The following SCAI variants were observed in gnomAD, a reference collection of about 807,000 sequenced individuals.
SCAI encodes protein SCAI.
In SCAI, 24 loss-of-function variants were observed where a neutral mutation model predicts 92.2. The ratio of observed to expected loss-of-function variants is 0.26; its 90% CI spans 0.19 to 0.37. SCAI has a LOEUF of 0.37. SCAI is among the 10% of genes least tolerant of loss of function. The pLI is 1.00. For missense variants in SCAI, 450 were observed against 736.2 expected (o/e 0.61, Z 4.50); for synonymous variants, 261 against 258.6 (o/e 1.01, Z -0.09).
intron 2 of SCAI, among the ~76,000 whole-genome samples, chr9:125,088,926 G>T (rs115236886): frequency 0.041 from 6,286 of 152,038 alleles, 429 homozygotes; most frequent in African/African-American, 0.14. Flanking sequence ...GGCATCCCTC[G>T]CCTCTACGCA....
chr9:125,059,747 C>T (rs1388886477), intron 2 of SCAI, among the ~76,000 whole-genome samples: 1 of 152,174 alleles, frequency 6.6e-6, no homozygotes, highest in Non-Finnish European at 1.5e-5. Flanking sequence ...TTACTCATAA[C>T]ACAAGAACTG....
chr9:124,956,210 T>C (rs1286934228), intron 17 of SCAI, among the ~76,000 whole-genome samples: 1 of 152,078 alleles, frequency 6.6e-6, no homozygotes, highest in Non-Finnish European at 1.5e-5. Context: ...TATGCAAGGT[T>C]GATTTAACTT....
chr9:124,979,566 T>C (rs1389394228), intron 14 of SCAI, among the ~76,000 whole-genome samples: 1 of 152,060 alleles, frequency 6.6e-6, no homozygotes, highest in Non-Finnish European at 1.5e-5. Context: ...AAAAAGACTA[T>C]TTGTTTTAGT....
chr9:125,022,130 A>G (rs2131076106), intron 6 of SCAI, among the ~76,000 whole-genome samples: 1 of 152,270 alleles, frequency 6.6e-6, no homozygotes, highest in East Asian at 1.9e-4. Flanking sequence ...AAATTATTAG[A>G]TATCATATAT....
At chr9:124,985,603 C>T (rs983829106) in intron 14 of SCAI, among the ~76,000 whole-genome samples, 1 of 152,180 alleles carries the variant, frequency 6.6e-6, no homozygotes, top group African/African-American at 2.4e-5. Flanking sequence ...CACGGTGGCT[C>T]ACACCTGTAA....
intron 2 of SCAI, among the ~76,000 whole-genome samples, chr9:125,106,122 A>AAATAT (rs1554791724): frequency 1.1e-4 from 1 of 8,864 alleles, no homozygotes; most frequent in African/African-American, 2.3e-4. Context: ...AAAAAAAAAA[A>AAATAT]ATATATATAT....
At chr9:125,064,362 C>T (rs1435316379) in intron 2 of SCAI, among the ~76,000 whole-genome samples, 4 of 152,076 alleles carry the variant, frequency 2.6e-5, no homozygotes, top group African/African-American at 4.8e-5. Flanking sequence ...TAGACGGGTG[C>T]CGTGGTTCAA....
rs972034399 is a variant in SCAI at position 125,091,521 on chromosome 9, A to T, written c.99-35514T>A. Among the ~76,000 whole-genome samples, 9 of 152,238 alleles carry T rather than the reference A, an allele frequency of 5.9e-5. No individual in the cohort carries two copies. Among genetic ancestry groups the T allele is most frequent in the African/African-American group, 2.2e-4 (9 of 41,462 alleles). ...TTCACATCACCGACCTCCTAAAAAC[A>T]GCTTTCAAAGTGAATATTTAGTTTT... On this transcript the variant is annotated intron_variant, in intron 2 of 17. Coordinates refer to ENST00000336505, the MANE Select transcript of SCAI (RefSeq NM_001144877.3). This position sits in a 1 kb window ranked among gnomAD's most constrained non-coding sequence, Gnocchi z 4.3.
intron 17 of SCAI, among the ~76,000 whole-genome samples, chr9:124,963,059 A>G (rs1831472432): frequency 6.6e-6 from 1 of 151,374 alleles, no homozygotes; most frequent in Non-Finnish European, 1.5e-5. Context: ...TCAGCCTCCC[A>G]TAGTGCTGGG....
intron 17 of SCAI, among the ~76,000 whole-genome samples, chr9:124,958,645 G>A (rs201802453): frequency 3.3e-5 from 5 of 151,962 alleles, no homozygotes; most frequent in Non-Finnish European, 7.4e-5. Flanking sequence ...GGTGGCTCAC[G>A]CCTGTAATCC....
At chr9:125,111,412 A>G (rs944438922) in intron 2 of SCAI, among the ~76,000 whole-genome samples, 2 of 152,206 alleles carry the variant, frequency 1.3e-5, no homozygotes, top group African/African-American at 4.8e-5. Context: ...CTATCTGGAA[A>G]AAAAGGAAGA....
intron 2 of SCAI, chr9:125,066,012 T>G (rs761687006): frequency 1.3e-6 from 1 of 771,968 alleles, no homozygotes; most frequent in Admixed American, 1.7e-5. Context: ...TGTTGATATC[T>G]TTCCCCTTGA....
In SCAI at chr9:125,025,079, T is replaced by C. The variant is rs144870679; in HGVS notation, c.512+1733A>G. On this transcript the variant is annotated intron_variant, in intron 6 of 17. Coordinates refer to ENST00000336505, the MANE Select transcript of SCAI (RefSeq NM_001144877.3). ...ATACTTCCTTATTGGTTTTCTCTCC[T>C]GGCTCTTGATTTTAGCAGCTGTTGC... 5.1e-3 allele frequency among the ~76,000 whole-genome samples: 782 copies of C among 152,360 alleles called. 5 individuals are homozygous for C. Among genetic ancestry groups the C allele is most frequent in the African/African-American group, 0.018 (751 of 41,586 alleles).
At chr9:125,107,747 A>G (rs1435294815) in intron 2 of SCAI, among the ~76,000 whole-genome samples, 2 of 152,204 alleles carry the variant, frequency 1.3e-5, no homozygotes, top group Middle Eastern at 3.2e-3. Flanking sequence ...CAGCCTCGGC[A>G]ACAGAGCAAG....
At chr9:125,080,878 G>T (rs186827155) in intron 2 of SCAI, among the ~76,000 whole-genome samples, 91 of 152,306 alleles carry the variant, frequency 6.0e-4, no homozygotes, top group Admixed American at 2.5e-3. Flanking sequence ...GGGACCCAGT[G>T]GAAGGTAAAT....
At chr9:125,036,281 T>G (rs986311789) in intron 3 of SCAI, among the ~76,000 whole-genome samples, 1 of 152,240 alleles carries the variant, frequency 6.6e-6, no homozygotes, top group Non-Finnish European at 1.5e-5. Flanking sequence ...AAGTAAGCAC[T>G]AATAAATGTT....
intron 3 of SCAI, among the ~76,000 whole-genome samples, chr9:125,053,897 T>C (rs1177522553): frequency 2.6e-5 from 4 of 152,316 alleles, no homozygotes; most frequent in African/African-American, 9.6e-5. Context: ...TGAGAGCCCA[T>C]GTGCCAGAAG....
chr9:125,026,361 C>A (rs1368397637), intron 6 of SCAI, among the ~76,000 whole-genome samples: 1 of 131,844 alleles, frequency 7.6e-6, no homozygotes, highest in African/African-American at 3.0e-5. Flanking sequence ...GCCTGGGCGA[C>A]AGAGCAAGAC....
At chr9:125,113,867 C>T (rs559730162) in intron 2 of SCAI, among the ~76,000 whole-genome samples, 26 of 151,954 alleles carry the variant, frequency 1.7e-4, no homozygotes, top group African/African-American at 5.1e-4. Context: ...GAGGATGAGG[C>T]GGGAGAATAG....
Sources: allele counts gnomAD v4.1 joint callset (sites outside exome capture counted in the v4.1 genomes callset), GRCh38; gene constraint gnomAD v4.1.1; non-coding constraint Gnocchi (gnomAD v3.1); transcripts MANE v1.5; gene names NCBI Gene and HGNC (gene_info 2026-07-23, HGNC 2026-07-21).